The following GRIK2 variants were observed in gnomAD, a reference collection of about 807,000 sequenced individuals.
GRIK2 encodes the protein glutamate receptor ionotropic, kainate 2.
Under a neutral mutation model 100.3 loss-of-function variants are expected in GRIK2, and 32 were observed. The observed-to-expected ratio is 0.32, with a 90% confidence interval of 0.24 to 0.43. GRIK2 has a LOEUF of 0.43. Ranked by LOEUF, GRIK2 falls within the 20% of genes least tolerant of loss-of-function variation. The probability of loss-of-function intolerance (pLI) is 1.00; values close to 1 mark genes in which losing one functional copy is unlikely to be tolerated. For synonymous variants in GRIK2, 417 were observed against 389.4 expected (o/e 1.07, Z -0.83); for missense variants, 843 against 1,114.9 (o/e 0.76, Z 3.47).
intron 10 of GRIK2, among the ~76,000 whole-genome samples, chr6:101,824,533 T>A (rs1436789849): frequency 6.6e-6 from 1 of 152,224 alleles, no homozygotes; most frequent in Non-Finnish European, 1.5e-5. Context: ...GTGTTTCTCA[T>A]TGTGCTATGC....
chr6:101,430,632 C>T (rs1036636122), intron 2 of GRIK2: 3 of 164,644 alleles, frequency 1.8e-5, no homozygotes, highest in South Asian at 1.6e-4. Flanking sequence ...TGAATGTGCA[C>T]ACCACACTTC....
chr6:101,555,226 T>G (rs1168288215), intron 2 of GRIK2, among the ~76,000 whole-genome samples: 1 of 152,180 alleles, frequency 6.6e-6, no homozygotes, highest in Non-Finnish European at 1.5e-5. Flanking sequence ...CTGTTAGTCT[T>G]CAGAGTAAAT....
At chr6:101,975,259 GTGT>G (rs948578540) in intron 14 of GRIK2, among the ~76,000 whole-genome samples, 1 of 151,888 alleles carries the variant, frequency 6.6e-6, no homozygotes, top group African/African-American at 2.4e-5. Flanking sequence ...ATTAGGTTTG[GTGT>G]TGTTAACTCA....
At chr6:101,556,374 G>T (rs1327047713) in intron 2 of GRIK2, among the ~76,000 whole-genome samples, 1 of 76,774 alleles carries the variant, frequency 1.3e-5, no homozygotes, top group East Asian at 2.8e-4. Context: ...TCGCTCTGTC[G>T]CCCAGGCTGG....
At chr6:102,011,386 G>A (rs539099767) in intron 14 of GRIK2, among the ~76,000 whole-genome samples, 41 of 151,982 alleles carry the variant, frequency 2.7e-4, no homozygotes, top group South Asian at 2.3e-3. Flanking sequence ...TTTAAAATGC[G>A]TTGTTCATAA....
chr6:102,004,351 GA>G (rs1279301467), intron 14 of GRIK2, among the ~76,000 whole-genome samples: 1 of 149,030 alleles, frequency 6.7e-6, no homozygotes, highest in African/African-American at 2.5e-5. Context: ...AGGGGAGGGA[GA>G]AAAAGACTAG....
intron 4 of GRIK2, among the ~76,000 whole-genome samples, chr6:101,665,894 T>C (rs1238387229): frequency 2.0e-5 from 3 of 152,086 alleles, no homozygotes; most frequent in African/African-American, 7.2e-5. Context: ...TTAGAGATGA[T>C]TGAGGGAGGA....
chr6:101,718,142 T>A (rs1331833464), intron 7 of GRIK2, among the ~76,000 whole-genome samples: 1 of 151,826 alleles, frequency 6.6e-6, no homozygotes, highest in Non-Finnish European at 1.5e-5. Flanking sequence ...TGAAAACTGA[T>A]GCTAATTGAA....
At chr6:101,898,071 GATTC>G (rs1056438359) in intron 12 of GRIK2, among the ~76,000 whole-genome samples, 5 of 151,722 alleles carry the variant, frequency 3.3e-5, no homozygotes, top group Admixed American at 3.3e-4. Flanking sequence ...ACTATAAAGA[GATTC>G]ATTTATTACC....
At chr6:101,618,419 T>A (rs1779997953) in intron 2 of GRIK2, among the ~76,000 whole-genome samples, 1 of 151,772 alleles carries the variant, frequency 6.6e-6, no homozygotes, top group Non-Finnish European at 1.5e-5. Flanking sequence ...TATGTTCAGT[T>A]ATTTCTGAAC....
chr6:101,594,513 A>G (rs1778816785), intron 2 of GRIK2, among the ~76,000 whole-genome samples: 1 of 151,892 alleles, frequency 6.6e-6, no homozygotes, highest in Non-Finnish European at 1.5e-5. Flanking sequence ...AAGGAAATAT[A>G]TAGCATATGT....
intron 7 of GRIK2, among the ~76,000 whole-genome samples, chr6:101,707,082 G>A (rs1316246387): frequency 6.6e-6 from 1 of 151,762 alleles, no homozygotes; most frequent in Non-Finnish European, 1.5e-5. Context: ...TGGATTCTGT[G>A]GCTGCATCAT....
intron 2 of GRIK2, among the ~76,000 whole-genome samples, chr6:101,494,165 A>T (rs896513154): frequency 3.0e-4 from 45 of 151,212 alleles, no homozygotes; most frequent in Non-Finnish European, 5.3e-4. Flanking sequence ...ACACTCATTT[A>T]TATATGAATC....
intron 2 of GRIK2, among the ~76,000 whole-genome samples, chr6:101,515,258 A>G (rs1324844874): frequency 6.6e-6 from 1 of 152,100 alleles, no homozygotes; most frequent in Non-Finnish European, 1.5e-5. Flanking sequence ...ATAGGATTCC[A>G]TCAAATATTT....
At chr6:101,492,678 C>T (rs1328681913) in intron 2 of GRIK2, among the ~76,000 whole-genome samples, 2 of 151,758 alleles carry the variant, frequency 1.3e-5, no homozygotes, top group East Asian at 1.9e-4. Context: ...TCCAGGAAGC[C>T]ATTGAGTACT....
chr6:101,470,452 A>T (rs1424926863), intron 2 of GRIK2, among the ~76,000 whole-genome samples: 2 of 152,196 alleles, frequency 1.3e-5, no homozygotes, highest in African/African-American at 2.4e-5. Flanking sequence ...GAGAATCAGT[A>T]AGTTTGTTGC....
At chr6:101,964,189 A>G (rs1255698627) in intron 14 of GRIK2, among the ~76,000 whole-genome samples, 3 of 151,136 alleles carry the variant, frequency 2.0e-5, no homozygotes, top group Non-Finnish European at 4.4e-5. Context: ...ATCATTACAC[A>G]TATAACATCA....
chr6:101,784,214 G>T (rs1384822482), intron 7 of GRIK2, among the ~76,000 whole-genome samples: 1 of 152,224 alleles, frequency 6.6e-6, no homozygotes, highest in East Asian at 1.9e-4. Context: ...TCATGGGCCA[G>T]GCCCAGGGCC....
At chr6:101,556,321 A>ATTTTTTTTTTTTTTTTT (rs10528480) in intron 2 of GRIK2, among the ~76,000 whole-genome samples, 604 of 59,378 alleles carry the variant, frequency 0.01, 140 homozygotes, top group Non-Finnish European at 0.016. Context: ...TATATTGGTA[A>ATTTTTTTTTTTTTTTTT]TTTTTTTTTT....
Sources: gnomAD v4.1 joint callset for allele counts (sites outside exome capture counted in the v4.1 genomes callset) on GRCh38, gnomAD v4.1.1 for gene constraint, MANE v1.5 for transcripts, NCBI Gene and HGNC (gene_info 2026-07-23, HGNC 2026-07-21) for gene names.